Variants in PAH observed in about 807,000 individuals in gnomAD.
PAH encodes phenylalanine-4-hydroxylase.
PAH carries 64 observed loss-of-function variants against 62.0 expected under a neutral mutation model. That is an observed-to-expected ratio of 1.03 (90% CI 0.84 to 1.27). The LOEUF is 1.27. PAH is among the 50% of genes most tolerant of loss of function. The pLI is 0.00. For missense variants in PAH, 579 were observed against 542.8 expected (o/e 1.07, Z -0.66); for synonymous variants, 195 against 196.2 (o/e 0.99, Z 0.05).
At chr12:102,846,228 G>A (rs1218466962) in intron 9 of PAH, among the ~76,000 whole-genome samples, 1 of 152,158 alleles carries the variant, frequency 6.6e-6, no homozygotes, top group East Asian at 1.9e-4. Flanking sequence ...TTGATGGAAC[G>A]AGTTCATAAG....
At chr12:102,858,296 C>A (rs545120208) in intron 5 of PAH, among the ~76,000 whole-genome samples, 4 of 152,160 alleles carry the variant, frequency 2.6e-5, no homozygotes, top group Admixed American at 6.5e-5. Context: ...TGTATATGCA[C>A]CCAATACAGG....
At chr12:102,869,852 A>G (rs1772003398) in intron 4 of PAH, among the ~76,000 whole-genome samples, 1 of 152,240 alleles carries the variant, frequency 6.6e-6, no homozygotes, top group South Asian at 2.1e-4. Context: ...TCTGAATCAA[A>G]TCACAGTTGG....
intron 3 of PAH, among the ~76,000 whole-genome samples, chr12:102,887,479 A>G (rs1050767669): frequency 2.6e-5 from 4 of 152,038 alleles, no homozygotes; most frequent in Non-Finnish European, 5.9e-5. Context: ...AACTCTTTAT[A>G]TATTATTATT....
At chr12:102,942,824 C>T (rs1295932131) in intron 1 of PAH, among the ~76,000 whole-genome samples, 3 of 152,070 alleles carry the variant, frequency 2.0e-5, no homozygotes, top group South Asian at 2.1e-4. Context: ...GAAGGGAATA[C>T]CTACTCAATA....
intron 7 of PAH, among the ~76,000 whole-genome samples, chr12:102,852,486 A>G (rs1875197528): frequency 6.6e-6 from 1 of 152,214 alleles, no homozygotes; most frequent in African/African-American, 2.4e-5. Context: ...CTTAGGAAGT[A>G]TTGAGATAGC....
At chr12:102,905,205 CTT>C (rs1174534376) in intron 2 of PAH, among the ~76,000 whole-genome samples, 1 of 152,178 alleles carries the variant, frequency 6.6e-6, no homozygotes, top group Non-Finnish European at 1.5e-5. Context: ...TCCTCCTACT[CTT>C]TATGTCATAA....
intron 8 of PAH, among the ~76,000 whole-genome samples, chr12:102,849,449 G>A (rs190307782): frequency 1.9e-4 from 29 of 152,216 alleles, no homozygotes; most frequent in Non-Finnish European, 3.2e-4. Context: ...AAATGTGTCC[G>A]TCATCAGAGT....
In PAH at chr12:102,868,914, A is replaced by G. The variant is rs145407106; in HGVS notation, c.442-2251T>C. 3.5e-3 allele frequency among the ~76,000 whole-genome samples: 530 copies of G among 152,274 alleles called. 4 individuals are homozygous for G. The highest frequency in any genetic ancestry group is 0.012 in the African/African-American group (507 of 41,550). The stretch of plus-strand genomic sequence containing the variant: ...TCCAGGCCCTAAGGATAATATGTAG[A>G]CTTTTGACCCTGTAAGGCACCTTGT... On this transcript the variant is annotated intron_variant, in intron 4 of 12. Coordinates refer to ENST00000553106, the MANE Select transcript of PAH (RefSeq NM_000277.3).
chr12:102,898,951 A>G (rs1448056050), intron 2 of PAH, among the ~76,000 whole-genome samples: 2 of 152,332 alleles, frequency 1.3e-5, no homozygotes, highest in African/African-American at 2.4e-5. Flanking sequence ...AACTGCAGAC[A>G]ACACACCCCT....
At chr12:102,849,425 T>A (rs1285879575) in intron 8 of PAH, among the ~76,000 whole-genome samples, 3 of 152,172 alleles carry the variant, frequency 2.0e-5, no homozygotes, top group African/African-American at 7.2e-5. Context: ...GATTGAAGTC[T>A]TGGCTGCAGA....
At chr12:102,898,091 T>G (rs990594437) in intron 2 of PAH, among the ~76,000 whole-genome samples, 2 of 152,262 alleles carry the variant, frequency 1.3e-5, no homozygotes, top group African/African-American at 4.8e-5. Context: ...CAGTCATCAG[T>G]CAGTGTTTTC....
chr12:102,931,965 C>T (rs554127153), intron 1 of PAH, among the ~76,000 whole-genome samples: 1 of 152,268 alleles, frequency 6.6e-6, no homozygotes, highest in Middle Eastern at 3.4e-3. Flanking sequence ...CATCCTGGGG[C>T]TTACATTCTA....
upstream of PAH, chr12:102,958,425 C>CAGCAGCAGG (rs763766575): frequency 1.6e-5 from 24 of 1,547,724 alleles, no homozygotes; most frequent in African/African-American, 3.2e-4. Flanking sequence ...GCAGCAGCAG[C>CAGCAGCAGG]AGCAGGCGCC....
chr12:102,899,887 A>AAAAG (rs1877678363), intron 2 of PAH, among the ~76,000 whole-genome samples: 1 of 140,544 alleles, frequency 7.1e-6, no homozygotes. Flanking sequence ...AAAAAAAAAA[A>AAAAG]GTGAGTAACA....
chr12:102,909,081 G>A (rs553999426), intron 2 of PAH, among the ~76,000 whole-genome samples: 1 of 152,166 alleles, frequency 6.6e-6, no homozygotes, highest in Admixed American at 6.5e-5. Context: ...TCCCGCCTCA[G>A]CCTCTCAAAG....
At chr12:102,869,706 G>A (rs77475852) in intron 4 of PAH, among the ~76,000 whole-genome samples, 4,347 of 152,224 alleles carry the variant, frequency 0.029, 195 homozygotes, top group African/African-American at 0.097. Flanking sequence ...CCAGGTTGCA[G>A]GGAGTTTTGC....
chr12:102,920,149 T>G (rs560352938), upstream of PAH, among the ~76,000 whole-genome samples: 4 of 152,290 alleles, frequency 2.6e-5, no homozygotes, highest in East Asian at 5.8e-4. Flanking sequence ...AATCGCTTCT[T>G]TAAAAAAAAT....
intron 2 of PAH, among the ~76,000 whole-genome samples, chr12:102,907,341 T>C (rs1484064133): frequency 1.3e-5 from 2 of 152,036 alleles, no homozygotes; most frequent in Admixed American, 6.5e-5. Flanking sequence ...AGGTGTGGGG[T>C]GTAATAGAAA....
chr12:102,948,718 C>A (rs972652600), intron 1 of PAH, among the ~76,000 whole-genome samples: 23 of 152,212 alleles, frequency 1.5e-4, no homozygotes, highest in African/African-American at 4.1e-4. Flanking sequence ...ACTGTCTTAT[C>A]ACCCAGAATA....
Sources: allele counts gnomAD v4.1 joint callset (sites outside exome capture counted in the v4.1 genomes callset), GRCh38; gene constraint gnomAD v4.1.1; transcripts MANE v1.5; gene names NCBI Gene and HGNC (gene_info 2026-07-23, HGNC 2026-07-21).